The following CTNND2 variants were observed in gnomAD, a reference collection of about 807,000 sequenced individuals.
The protein encoded by CTNND2 is catenin delta 2, also known as catenin delta-2.
A neutral mutation model predicts 144.4 loss-of-function variants in CTNND2; 22 were observed. The observed-to-expected ratio is 0.15, with a 90% CI of 0.11 to 0.22. The LOEUF (loss-of-function observed/expected upper bound fraction) is 0.22. Among genes scored for constraint, CTNND2 ranks in the 10% least tolerant of loss-of-function variants. The pLI, the probability that CTNND2 is intolerant of heterozygous loss-of-function variation, is 1.00. For missense variants in CTNND2, 1,353 were observed against 1,618.8 expected (o/e 0.84, Z 2.82); for synonymous variants, 751 against 695.6 (o/e 1.08, Z -1.25).
intron 1 of CTNND2, among the ~76,000 whole-genome samples, chr5:11,798,923 T>G (rs921539147): frequency 1.3e-5 from 2 of 152,172 alleles, no homozygotes; most frequent in Non-Finnish European, 2.9e-5. Context: ...TTGTGCTCTT[T>G]ATCATATAAA....
chr5:11,036,827 A>G (rs1274952237), intron 16 of CTNND2, among the ~76,000 whole-genome samples: 1 of 152,234 alleles, frequency 6.6e-6, no homozygotes, highest in African/African-American at 2.4e-5. Flanking sequence ...GGCTATGTTC[A>G]GCATTTCGTA....
intron 16 of CTNND2, chr5:11,027,055 G>A (rs531615359): frequency 7.0e-4 from 106 of 152,258 alleles, no homozygotes; most frequent in African/African-American, 2.5e-3. Flanking sequence ...CCAAAATCCC[G>A]TCAGAGAGAC....
intron 10 of CTNND2, among the ~76,000 whole-genome samples, chr5:11,213,456 G>T (rs557574359): frequency 1.3e-5 from 2 of 152,098 alleles, no homozygotes; most frequent in Non-Finnish European, 2.9e-5. Flanking sequence ...AAATCTGTCC[G>T]CAACAAGGCA....
chr5:11,346,554 G>A lies in CTNND2; in HGVS notation c.1446C>T (p.Ala482=), dbSNP rs778626261. The change falls in exon 9 of 22, where the codon GCC becomes GCT. Residue 482 remains alanine, a synonymous_variant. Transcript: ENST00000304623. The part of the protein sequence containing the change: ...TGSQHGPQNA[A]AATFQRASYA... The stretch of plus-strand genomic sequence containing the variant: ...AGCTGGCCCTCTGGAAGGTGGCCGC[G>A]GCGGCATTCTGTGGGCCGTGCTGGC... The A allele has an allele frequency of 6.2e-6, 10 of 1,603,904 alleles. No individual in the cohort carries two copies. Among genetic ancestry groups the A allele is most frequent in the Middle Eastern group, 1.7e-4 (1 of 6,040 alleles).
intron 9 of CTNND2, among the ~76,000 whole-genome samples, chr5:11,313,542 G>A (rs911450703): frequency 2.0e-5 from 3 of 152,260 alleles, no homozygotes. Context: ...CTCCTCAACC[G>A]TGTTGGTGTT....
intron 15 of CTNND2, among the ~76,000 whole-genome samples, chr5:11,089,416 A>G (rs2973516): frequency 0.58 from 88,048 of 152,160 alleles, 28,194 homozygotes; most frequent in African/African-American, 0.86. Flanking sequence ...CTGCTATAGC[A>G]GCATCTGTAA....
At chr5:11,644,099 C>T (rs78153849) in intron 2 of CTNND2, among the ~76,000 whole-genome samples, 8 of 151,898 alleles carry the variant, frequency 5.3e-5, no homozygotes, top group African/African-American at 1.7e-4. Flanking sequence ...GTCTAGCGGC[C>T]GACTTTATTA....
chr5:11,204,769 T>C (rs949060602), intron 10 of CTNND2, among the ~76,000 whole-genome samples: 2 of 152,284 alleles, frequency 1.3e-5, no homozygotes, highest in African/African-American at 4.8e-5. Flanking sequence ...AAAAATACTT[T>C]AAACAGCTTG....
At chr5:11,457,593 T>C (rs1475802210) in intron 3 of CTNND2, among the ~76,000 whole-genome samples, 1 of 152,208 alleles carries the variant, frequency 6.6e-6, no homozygotes, top group African/African-American at 2.4e-5. Flanking sequence ...TCTTAAGAAA[T>C]CTGTATACTC....
intron 2 of CTNND2, among the ~76,000 whole-genome samples, chr5:11,595,860 A>G (rs1483613771): frequency 6.6e-6 from 1 of 152,248 alleles, no homozygotes; most frequent in African/African-American, 2.4e-5. Context: ...TTAATTAATT[A>G]GAGGTAAAGA....
intron 1 of CTNND2, among the ~76,000 whole-genome samples, chr5:11,831,359 A>AC (rs1243463008): frequency 6.6e-6 from 1 of 152,080 alleles, no homozygotes; most frequent in Non-Finnish European, 1.5e-5. Context: ...ATAAAAACAG[A>AC]CATATAGAAT....
intron 2 of CTNND2, among the ~76,000 whole-genome samples, chr5:11,590,675 C>T (rs918848894): frequency 6.6e-6 from 1 of 151,908 alleles, no homozygotes; most frequent in Non-Finnish European, 1.5e-5. Flanking sequence ...ACCCTTGTGA[C>T]AATACACCCT....
intron 18 of CTNND2, among the ~76,000 whole-genome samples, chr5:11,015,072 G>A (rs1391627105): frequency 2.0e-5 from 3 of 152,100 alleles, no homozygotes; most frequent in Non-Finnish European, 4.4e-5. Context: ...CCTTTGGAAC[G>A]CTTCCTTTGC....
chr5:11,265,906 T>A (rs1745394805), intron 9 of CTNND2, among the ~76,000 whole-genome samples: 1 of 151,962 alleles, frequency 6.6e-6, no homozygotes, highest in Non-Finnish European at 1.5e-5. Flanking sequence ...GAGACTGGGT[T>A]TCACCATGTT....
At chr5:11,736,507 G>T (rs1461045096) in intron 1 of CTNND2, among the ~76,000 whole-genome samples, 1 of 152,146 alleles carries the variant, frequency 6.6e-6, no homozygotes, top group East Asian at 1.9e-4. Context: ...TGTCTGGACA[G>T]AAAAGACAGT....
In CTNND2 at chr5:11,108,335, G is replaced by C. The variant is rs372833004; in HGVS notation, c.2463+2523C>G. On this transcript the variant is annotated intron_variant, in intron 14 of 21. Transcript: ENST00000304623. The stretch of plus-strand genomic sequence containing the variant: ...CTCTTTCATTGTGGGAAAAATAAGG[G>C]GGCATTGAAGTTTTACACAGAGGCC... Among the ~76,000 whole-genome samples, 5 of 152,218 alleles carry C rather than the reference G, an allele frequency of 3.3e-5. No homozygotes were observed. In the South Asian group the frequency reaches 8.3e-4, roughly 25 times the overall value.
intron 3 of CTNND2, among the ~76,000 whole-genome samples, chr5:11,498,732 G>C (rs568826243): frequency 1.3e-4 from 20 of 152,110 alleles, no homozygotes; most frequent in Non-Finnish European, 1.3e-4. Flanking sequence ...TTGCAAAAAT[G>C]CTTCCCAATT....
chr5:11,212,788 C>T (rs1213112979), intron 10 of CTNND2, among the ~76,000 whole-genome samples: 1 of 152,132 alleles, frequency 6.6e-6, no homozygotes, highest in Non-Finnish European at 1.5e-5. Flanking sequence ...AGGGCCTGGG[C>T]CTGGGCCTGC....
intron 3 of CTNND2, among the ~76,000 whole-genome samples, chr5:11,525,786 T>C (rs907497609): frequency 6.6e-6 from 1 of 152,234 alleles, no homozygotes; most frequent in African/African-American, 2.4e-5. Context: ...GGTGCAGCGA[T>C]GGGATGGTGC....
Sources: gnomAD v4.1 joint callset for allele counts (sites outside exome capture counted in the v4.1 genomes callset) on GRCh38, gnomAD v4.1.1 for gene constraint, MANE v1.5 for transcripts, NCBI Gene and HGNC (gene_info 2026-07-23, HGNC 2026-07-21) for gene names.